The following SLCO2A1 variants were observed in gnomAD, a reference collection of about 807,000 sequenced individuals.
SLCO2A1 encodes matrin F/G 1.
SLCO2A1 carries 60 observed loss-of-function variants against 71.7 expected under a neutral mutation model. That is an observed-to-expected ratio of 0.84 (90% CI 0.68 to 1.04). The LOEUF (loss-of-function observed/expected upper bound fraction) is 1.04, where lower values mean the gene tolerates loss of function less well. SLCO2A1 is among the 50% of genes least tolerant of loss of function. The probability of loss-of-function intolerance (pLI) is 0.00; values close to 1 mark genes in which losing one functional copy is unlikely to be tolerated. For missense variants in SLCO2A1, 745 were observed against 813.4 expected (o/e 0.92, Z 1.02); for synonymous variants, 308 against 326.7 (o/e 0.94, Z 0.62).
Position 133,942,749 on chromosome 3 carries a change from C to T in SLCO2A1, c.1481G>A (p.Cys494Tyr). Residue 494 changes from cysteine to tyrosine, a missense_variant, in exon 11 of 14, where the codon TGT becomes TAT. Coordinates refer to ENST00000310926, the MANE Select transcript of SLCO2A1 (RefSeq NM_005630.3). ...TGCTGAAGCGGATCCCCCGGTCACA[C>T]AGCTGCAGTTCAAATAGATCTTCAA... ...SKQLIYLNCS[C>Y]VTGGSASAKT... 6.2e-7 allele frequency: 1 copy of T among 1,605,810 alleles called. No individual in the cohort carries two copies. The highest frequency in any genetic ancestry group is 8.5e-7 in the Non-Finnish European group (1 of 1,177,274).
At chr3:133,948,823 TG>T in intron 7 of SLCO2A1, 69 bp downstream of exon 7, 2 of 1,588,968 alleles carry the variant, frequency 1.3e-6, no homozygotes, top group Non-Finnish European at 1.7e-6. Context: ...CCACAGGGGC[TG>T]GGGTCCCCCT....
At chr3:134,028,850 C>T (rs1935749341) in intron 1 of SLCO2A1, among the ~76,000 whole-genome samples, 1 of 152,220 alleles carries the variant, frequency 6.6e-6, no homozygotes, top group South Asian at 2.1e-4. Flanking sequence ...GGCAAAAGAG[C>T]CCGAGTGCGG....
chr3:133,977,633 G>A (rs1934491988), intron 2 of SLCO2A1, among the ~76,000 whole-genome samples: 1 of 152,186 alleles, frequency 6.6e-6, no homozygotes, highest in Non-Finnish European at 1.5e-5. Context: ...GGCTGTGCAT[G>A]AACTCAGCAG....
In SLCO2A1 at chr3:134,005,020, T is replaced by C. The variant is rs80235662; in HGVS notation, c.96+24687A>G. On this transcript the variant is annotated intron_variant, in intron 1 of 13. Transcript: ENST00000310926. ...CTAGTTGCCAAGCATGACTCAGCCA[T>C]GGAGAAGACAGAGGTTTACAGTGGA... Among the ~76,000 whole-genome samples the C allele has an allele frequency of 7.9e-5, 12 of 152,306 alleles. No individual in the cohort carries two copies. The East Asian group carries it at 2.3e-3, about 29-fold the overall frequency.
At chr3:133,952,409 C>T (rs115577385) in intron 5 of SLCO2A1, among the ~76,000 whole-genome samples, 1 of 152,218 alleles carries the variant, frequency 6.6e-6, no homozygotes, top group Non-Finnish European at 1.5e-5. Context: ...AGTGCTCTTC[C>T]TGGAGTCTGG....
chr3:133,942,683 AG>A lies in SLCO2A1; in HGVS notation c.1546del (p.Leu516SerfsTer12). On this transcript the variant is annotated frameshift_variant, in exon 11 of 14. Coordinates refer to ENST00000310926, the MANE Select transcript of SLCO2A1 (RefSeq NM_005630.3). LOFTEE classifies it high-confidence loss of function. ...SCPVPCAHFL[L>X]PAIFLISFVS... The stretch of plus-strand genomic sequence containing the variant: ...GAAGGAGATGAGGAAGATGGCCGGG[AG>A]CAGGAAGTGGGCACAGGGGACAGGG... 6.2e-7 allele frequency: 1 copy of A among 1,613,938 alleles called. No individual in the cohort carries two copies. Among genetic ancestry groups the A allele is most frequent in the South Asian group, 1.1e-5 (1 of 91,032 alleles).
At chr3:134,029,250 G>C (rs1935767313) in intron 1 of SLCO2A1, among the ~76,000 whole-genome samples, 1 of 152,156 alleles carries the variant, frequency 6.6e-6, no homozygotes, top group Non-Finnish European at 1.5e-5. Context: ...GCTCGGACGA[G>C]ACACAGTCTG....
chr3:133,952,816 A>G (rs1406532756), intron 5 of SLCO2A1, among the ~76,000 whole-genome samples: 1 of 152,234 alleles, frequency 6.6e-6, no homozygotes, highest in Admixed American at 6.5e-5. Context: ...ACAGAAAGAC[A>G]AAGTTACTTG....
At chr3:133,947,824 G>A (rs985390721) in intron 8 of SLCO2A1, among the ~76,000 whole-genome samples, 24 of 152,148 alleles carry the variant, frequency 1.6e-4, no homozygotes, top group Non-Finnish European at 3.4e-4. Flanking sequence ...AAGGCCAGAG[G>A]GGTAAAGCCA....
rs114295800 is a variant in SLCO2A1 at position 134,013,641 on chromosome 3, T to A, written c.96+16066A>T. Among the ~76,000 whole-genome samples the A allele has an allele frequency of 7.7e-3, 1,177 of 152,294 alleles. 18 individuals carry two copies. Among genetic ancestry groups the A allele is most frequent in the African/African-American group, 0.027 (1,119 of 41,564 alleles). ...CAGATAAACTAGTTCCAATGTGAGG[T>A]CTGCCTGTGTTGTATTTCCCAAACT... On this transcript the variant is annotated intron_variant, in intron 1 of 13. Coordinates refer to ENST00000310926, the MANE Select transcript of SLCO2A1 (RefSeq NM_005630.3).
chr3:133,978,071 T>C (rs775557268), intron 2 of SLCO2A1, among the ~76,000 whole-genome samples: 93 of 152,040 alleles, frequency 6.1e-4, no homozygotes, highest in Non-Finnish European at 1.1e-3. Context: ...TGCAGGACTG[T>C]GCGTGTATAT....
At chr3:134,007,913 C>A (rs1935251914) in intron 1 of SLCO2A1, among the ~76,000 whole-genome samples, 1 of 152,190 alleles carries the variant, frequency 6.6e-6, no homozygotes, top group Non-Finnish European at 1.5e-5. Flanking sequence ...TTCTTTCTTG[C>A]AAGTTCTGCC....
intron 1 of SLCO2A1, among the ~76,000 whole-genome samples, chr3:134,010,567 C>T (rs9833042): frequency 0.031 from 4,741 of 152,090 alleles, 102 homozygotes; most frequent in Middle Eastern, 0.054. Context: ...GCCTGACCAA[C>T]ATGGTTAAAC....
At chr3:133,994,838 G>C (rs936202502) in intron 1 of SLCO2A1, among the ~76,000 whole-genome samples, 2 of 151,944 alleles carry the variant, frequency 1.3e-5, no homozygotes, top group Admixed American at 1.3e-4. Flanking sequence ...TCCAAACCAA[G>C]CTCCAAGTCC....
At chr3:133,940,804 A>G (rs1427161675) in intron 11 of SLCO2A1, among the ~76,000 whole-genome samples, 4 of 152,346 alleles carry the variant, frequency 2.6e-5, no homozygotes, top group Admixed American at 1.3e-4. Flanking sequence ...GAGTAAGCTC[A>G]GAATGCAAGG....
At chr3:134,016,663 T>C (rs1228898971) in intron 1 of SLCO2A1, among the ~76,000 whole-genome samples, 1 of 152,176 alleles carries the variant, frequency 6.6e-6, no homozygotes, top group Non-Finnish European at 1.5e-5. Flanking sequence ...GCAACTAACA[T>C]ATAACCCAGC....
chr3:133,972,565 T>C (rs763206529), intron 3 of SLCO2A1, among the ~76,000 whole-genome samples: 6 of 152,114 alleles, frequency 3.9e-5, no homozygotes, highest in African/African-American at 7.2e-5. Context: ...AATTAAGCCA[T>C]ACTCAGATAC....
intron 1 of SLCO2A1, 36 bp downstream of exon 1, chr3:134,029,671 G>T: frequency 6.6e-7 from 1 of 1,518,742 alleles, no homozygotes; most frequent in Non-Finnish European, 8.9e-7. Flanking sequence ...CGCCAGGCGC[G>T]GCTCCGGCCC....
chr3:134,025,925 A>T (rs908614866), intron 1 of SLCO2A1, among the ~76,000 whole-genome samples: 3 of 152,218 alleles, frequency 2.0e-5, no homozygotes, highest in African/African-American at 4.8e-5. Context: ...CAGTACCAGA[A>T]ATTCCAGGAA....
Sources: allele counts gnomAD v4.1 joint callset (sites outside exome capture counted in the v4.1 genomes callset), GRCh38; gene constraint gnomAD v4.1.1; transcripts MANE v1.5; gene names NCBI Gene and HGNC (gene_info 2026-07-23, HGNC 2026-07-21).